SKAP2: variants seen among roughly 807,000 people sequenced by gnomAD.
The protein encoded by SKAP2 is src kinase-associated phosphoprotein 2.
In SKAP2, 28 loss-of-function variants were observed where a neutral mutation model predicts 54.9. That is an observed-to-expected ratio of 0.51 (90% confidence interval 0.38 to 0.70). The LOEUF (loss-of-function observed/expected upper bound fraction) is 0.70. SKAP2 is among the 30% of genes least tolerant of loss of function. SKAP2 has a pLI of 0.00. For missense variants in SKAP2, 356 were observed against 424.1 expected, an observed-to-expected ratio of 0.84 and a Z score of 1.41; for synonymous variants, 137 against 134.3, an observed-to-expected ratio of 1.02 and a Z score of -0.14.
At chr7:26,829,520 G>C (rs1784560650) in intron 4 of SKAP2, among the ~76,000 whole-genome samples, 1 of 152,084 alleles carries the variant, frequency 6.6e-6, no homozygotes, top group Non-Finnish European at 1.5e-5. Flanking sequence ...ACTACAGCTT[G>C]GGTGACAAAG....
chr7:26,740,086 A>G, intron 4 of SKAP2, 122 bp from the exon 5 acceptor site: 1 of 578,716 alleles, frequency 1.7e-6, no homozygotes. Flanking sequence ...ATCTAAGTCT[A>G]TTAGCTTTGT....
At position 26,818,000 on chromosome 7, in the gene SKAP2, T is replaced by C. The variant is rs570034817; in HGVS notation, c.307+26030A>G. Among the ~76,000 whole-genome samples, 7 of 152,224 alleles carry C rather than the reference T, an allele frequency of 4.6e-5. No individual in the cohort carries two copies. The East Asian group carries it at 9.6e-4, about 21-fold the overall frequency. Reference sequence around the variant, plus strand: ...ATAGGAAGAATCAATATCATGAAAATGGCCATACTACCCAAAGTAATTTAT... The same window carrying C: ...ATAGGAAGAATCAATATCATGAAAACGGCCATACTACCCAAAGTAATTTAT... On this transcript the variant is annotated intron_variant, in intron 4 of 12. Coordinates refer to ENST00000345317, the MANE Select transcript of SKAP2 (RefSeq NM_003930.5).
chr7:26,845,865 G>C (rs1784910060), intron 3 of SKAP2, among the ~76,000 whole-genome samples: 1 of 152,172 alleles, frequency 6.6e-6, no homozygotes, highest in East Asian at 1.9e-4. Context: ...CCAGGAGTTT[G>C]AGGCTGCAGT....
At chr7:26,763,280 T>C (rs994863994) in intron 4 of SKAP2, among the ~76,000 whole-genome samples, 2 of 152,210 alleles carry the variant, frequency 1.3e-5, no homozygotes, top group East Asian at 1.9e-4. Context: ...GAAAATGATC[T>C]AGTAGCACCA....
At chr7:26,714,459 AG>A (rs1787386453) in intron 9 of SKAP2, among the ~76,000 whole-genome samples, 1 of 152,222 alleles carries the variant, frequency 6.6e-6, no homozygotes, top group Admixed American at 6.5e-5. Flanking sequence ...AACAAAATTA[AG>A]GTAAAATTTC....
At chr7:26,719,049 G>A (rs956470626) in intron 9 of SKAP2, among the ~76,000 whole-genome samples, 10 of 151,960 alleles carry the variant, frequency 6.6e-5, no homozygotes, top group Admixed American at 1.3e-4. Flanking sequence ...GCATGGCAGC[G>A]CATGCCTGTA....
intron 4 of SKAP2, among the ~76,000 whole-genome samples, chr7:26,779,278 A>G (rs1783376362): frequency 6.6e-6 from 1 of 152,024 alleles, no homozygotes; most frequent in South Asian, 2.1e-4. Flanking sequence ...CTCTACAATC[A>G]TTTTTACACA....
chr7:26,796,751 A>G (rs1783789830), intron 4 of SKAP2, among the ~76,000 whole-genome samples: 1 of 152,252 alleles, frequency 6.6e-6, no homozygotes, highest in Non-Finnish European at 1.5e-5. Context: ...GCAGTATATA[A>G]TACATATACA....
intron 1 of SKAP2, among the ~76,000 whole-genome samples, chr7:26,863,626 T>C (rs1237884955): frequency 1.3e-5 from 2 of 152,174 alleles, no homozygotes; most frequent in Non-Finnish European, 2.9e-5. Flanking sequence ...TTTTAGCTCC[T>C]AAAATAAGTT....
chr7:26,793,284 G>C (rs1783706998), intron 4 of SKAP2, among the ~76,000 whole-genome samples: 1 of 152,134 alleles, frequency 6.6e-6, no homozygotes, highest in South Asian at 2.1e-4. Context: ...ATGAGAAAAG[G>C]TTCAGGAATC....
chr7:26,768,168 T>C (rs1158971262), intron 4 of SKAP2, among the ~76,000 whole-genome samples: 2 of 152,210 alleles, frequency 1.3e-5, no homozygotes, highest in African/African-American at 2.4e-5. Context: ...ATATTTAGGA[T>C]AGTTAGCTCT....
chr7:26,782,854 C>T (rs1303112671), intron 4 of SKAP2, among the ~76,000 whole-genome samples: 1 of 152,262 alleles, frequency 6.6e-6, no homozygotes, highest in South Asian at 2.1e-4. Flanking sequence ...TAAGCCCTCA[C>T]CAGACATCTT....
intron 4 of SKAP2, among the ~76,000 whole-genome samples, chr7:26,829,261 T>TGCTCAACACTTTGGGAG (rs1399285602): frequency 6.6e-6 from 1 of 152,116 alleles, no homozygotes; most frequent in Non-Finnish European, 1.5e-5. Flanking sequence ...CTCATGCCTG[T>TGCTCAACACTTTGGGAG]GCTCAACACT....
At chr7:26,769,039 C>A (rs1188136983) in intron 4 of SKAP2, among the ~76,000 whole-genome samples, 1 of 152,066 alleles carries the variant, frequency 6.6e-6, no homozygotes, top group Admixed American at 6.5e-5. Flanking sequence ...TGGATAATAT[C>A]CTGAAGAGTA....
At chr7:26,829,236 G>A (rs6961854) in intron 4 of SKAP2, among the ~76,000 whole-genome samples, 1,765 of 152,096 alleles carry the variant, frequency 0.012, 34 homozygotes, top group African/African-American at 0.04. Context: ...ACAATAAATA[G>A]GCCAGGTGCA....
intron 6 of SKAP2, among the ~76,000 whole-genome samples, chr7:26,734,675 A>G (rs532225191): frequency 3.3e-5 from 5 of 152,326 alleles, no homozygotes; most frequent in African/African-American, 9.6e-5. Context: ...CTCTGCTTCA[A>G]GATGCCACCT....
intron 1 of SKAP2, among the ~76,000 whole-genome samples, chr7:26,855,460 C>CGT (rs1411008873): frequency 6.6e-6 from 1 of 152,046 alleles, no homozygotes; most frequent in Admixed American, 6.5e-5. Context: ...CCTACCTACA[C>CGT]ACTCATTCTG....
At chr7:26,820,143 T>C (rs1338662812) in intron 4 of SKAP2, among the ~76,000 whole-genome samples, 2 of 152,182 alleles carry the variant, frequency 1.3e-5, no homozygotes, top group East Asian at 3.8e-4. Context: ...TGATTGTACC[T>C]GTGAATAGCC....
At chr7:26,775,011 T>C (rs10261915) in intron 4 of SKAP2, among the ~76,000 whole-genome samples, 63,546 of 152,004 alleles carry the variant, frequency 0.42, 13,690 homozygotes, top group Middle Eastern at 0.49. Context: ...TACCAAAGTC[T>C]GTCACAGCCA....
Sources: gnomAD v4.1 joint callset for allele counts (sites outside exome capture counted in the v4.1 genomes callset) on GRCh38, gnomAD v4.1.1 for gene constraint, MANE v1.5 for transcripts, NCBI Gene and HGNC (gene_info 2026-07-23, HGNC 2026-07-21) for gene names.